SLIT3: variants seen among roughly 807,000 people sequenced by gnomAD.
SLIT3 encodes slit homolog 3 protein.
SLIT3 carries 68 observed loss-of-function variants against 184.0 expected under a neutral mutation model. The ratio of observed to expected loss-of-function variants is 0.37; its 90% CI spans 0.30 to 0.45. SLIT3 has a LOEUF of 0.45. Among genes scored for constraint, SLIT3 ranks in the 20% least tolerant of loss-of-function variants. SLIT3 has a pLI of 1.00. For missense variants in SLIT3, 1,707 were observed against 2,026.0 expected (o/e 0.84, Z 3.02); for synonymous variants, 831 against 828.6 (o/e 1.00, Z -0.05).
At chr5:169,189,399 A>G (rs539872276) in intron 4 of SLIT3, among the ~76,000 whole-genome samples, 9 of 151,882 alleles carry the variant, frequency 5.9e-5, no homozygotes, top group African/African-American at 1.7e-4. Context: ...TTATACAACT[A>G]TGGGTAAGTT....
intron 4 of SLIT3, among the ~76,000 whole-genome samples, chr5:169,191,362 C>T (rs1338787819): frequency 1.3e-5 from 2 of 152,174 alleles, no homozygotes; most frequent in African/African-American, 2.4e-5. Context: ...TTCCCAGCTG[C>T]AGCTCTCTGA....
chr5:168,691,538 T>C (rs940283430), intron 29 of SLIT3, among the ~76,000 whole-genome samples: 1 of 152,206 alleles, frequency 6.6e-6, no homozygotes, highest in Non-Finnish European at 1.5e-5. Flanking sequence ...ATGCCACTGG[T>C]GGGCATTCTC....
At position 168,774,082 on chromosome 5, in the gene SLIT3, G is replaced by A. The variant is rs916503754; in HGVS notation, c.1295+153C>T. On this transcript the variant is annotated intron_variant, in intron 13 of 35. Transcript: ENST00000519560. ...CAGTGTAAGTGCTTGGTACTGATAA[G>A]CTATTCCGATTTTTATTATTCTAGC... 4.6e-5 allele frequency among the ~76,000 whole-genome samples: 7 copies of A among 152,336 alleles called. No individual in the cohort carries two copies. The East Asian group carries it at 1.4e-3, about 29-fold the overall frequency.
At chr5:168,805,308 G>A (rs1435431391) in intron 9 of SLIT3, among the ~76,000 whole-genome samples, 1 of 152,112 alleles carries the variant, frequency 6.6e-6, no homozygotes, top group Non-Finnish European at 1.5e-5. Flanking sequence ...CACACACAGG[G>A]AAGGGGAGGA....
chr5:169,089,586 T>G (rs958516009), intron 4 of SLIT3, among the ~76,000 whole-genome samples: 1 of 152,186 alleles, frequency 6.6e-6, no homozygotes, highest in South Asian at 2.1e-4. Context: ...GTGCCCCTAG[T>G]GGTGAATCCT....
At chr5:168,689,315 C>G (rs1251503534) in intron 29 of SLIT3, among the ~76,000 whole-genome samples, 5 of 152,172 alleles carry the variant, frequency 3.3e-5, no homozygotes, top group Non-Finnish European at 7.3e-5. Context: ...AAATGCTTGC[C>G]TTTTTCTTCT....
intron 4 of SLIT3, among the ~76,000 whole-genome samples, chr5:169,152,487 C>T (rs1056072959): frequency 9.9e-5 from 15 of 152,156 alleles, no homozygotes; most frequent in African/African-American, 3.4e-4. Flanking sequence ...TAATCTCTTC[C>T]AGCTCTTCGG....
chr5:169,046,686 C>G (rs1267087734), intron 4 of SLIT3, among the ~76,000 whole-genome samples: 1 of 152,188 alleles, frequency 6.6e-6, no homozygotes, highest in African/African-American at 2.4e-5. Flanking sequence ...TGTCCCCCAG[C>G]CTACCATAAA....
rs116530448 is a variant in SLIT3 at position 169,048,250 on chromosome 5, C to T, written c.413+145229G>A. Among the ~76,000 whole-genome samples, 966 of 152,296 alleles carry T rather than the reference C, an allele frequency of 6.3e-3. 12 individuals are homozygous for T. Among genetic ancestry groups the T allele is most frequent in the African/African-American group, 0.022 (915 of 41,560 alleles). On this transcript the variant is annotated intron_variant, in intron 4 of 35. Coordinates refer to ENST00000519560, the MANE Select transcript of SLIT3 (RefSeq NM_003062.4). ...TGAACCCCTCCAAGCCTCAGATTTCCTCATCCTTAAACGGAGAATCATAAG... is the reference window on the plus strand; with the variant it reads ...TGAACCCCTCCAAGCCTCAGATTTCTTCATCCTTAAACGGAGAATCATAAG...
rs1762843197 is a variant in SLIT3, at chr5:168,718,749, T to TCTC, written c.2483+3506_2483+3507insGAG. On this transcript the variant is annotated intron_variant, in intron 23 of 35. Coordinates refer to ENST00000519560, the MANE Select transcript of SLIT3 (RefSeq NM_003062.4). ...ACACACATTCTCTCTCTCTCTCTCT[T>TCTC]TCTCTCTCTCTCTTAAATGTCAGTT... Among the ~76,000 whole-genome samples the TCTC allele has an allele frequency of 6.2e-3, 516 of 83,862 alleles. 4 individuals carry two copies. The highest frequency in any genetic ancestry group is 0.02 in the African/African-American group (487 of 24,520). The allele number at this position is 83,862 out of a possible 152,430, so 55.0% of individuals were successfully genotyped here.
intron 4 of SLIT3, among the ~76,000 whole-genome samples, chr5:169,138,756 A>C (rs1375001824): frequency 3.3e-5 from 5 of 152,128 alleles, no homozygotes; most frequent in African/African-American, 1.2e-4. Flanking sequence ...CACGCATGGC[A>C]CACTTGCATG....
chr5:168,897,646 G>GCGCGCGCGCGCGCGCGCACACACACA, intron 4 of SLIT3, among the ~76,000 whole-genome samples: 22 of 105,446 alleles, frequency 2.1e-4, no homozygotes, highest in Non-Finnish European at 3.1e-4. Flanking sequence ...ACAGGTGCAC[G>GCGCGCGCGCGCGCGCGCACACACACA]TACACACACA....
intron 4 of SLIT3, among the ~76,000 whole-genome samples, chr5:169,115,552 G>A (rs1239346299): frequency 6.6e-6 from 1 of 152,176 alleles, no homozygotes; most frequent in East Asian, 1.9e-4. Context: ...AGGCCAGGGA[G>A]GGATTCCACA....
chr5:168,811,275 A>G (rs1227059485), intron 8 of SLIT3, among the ~76,000 whole-genome samples: 1 of 152,204 alleles, frequency 6.6e-6, no homozygotes, highest in African/African-American at 2.4e-5. Flanking sequence ...CAGACACTGC[A>G]TTGAGTGCTC....
chr5:168,719,625 TCCCC>T (rs1234479763), intron 23 of SLIT3, among the ~76,000 whole-genome samples: 2 of 152,228 alleles, frequency 1.3e-5, no homozygotes, highest in Non-Finnish European at 2.9e-5. Context: ...CTTAAACATT[TCCCC>T]ACTGTGGCCC....
chr5:168,907,965 TATATATATATATATAGAG>T (rs1562000102), intron 4 of SLIT3, among the ~76,000 whole-genome samples: 31 of 80,080 alleles, frequency 3.9e-4, no homozygotes, highest in East Asian at 2.1e-3. Flanking sequence ...TATATATATA[TATATATATATATATAGAG>T]AGAGAGAGAG....
At chr5:169,159,767 C>T (rs1762421374) in intron 4 of SLIT3, among the ~76,000 whole-genome samples, 1 of 152,178 alleles carries the variant, frequency 6.6e-6, no homozygotes, top group African/African-American at 2.4e-5. Context: ...CAGAGCAAGA[C>T]TCCGTCTCTT....
intron 29 of SLIT3, among the ~76,000 whole-genome samples, chr5:168,690,200 A>T (rs548297204): frequency 1.3e-5 from 2 of 151,276 alleles, no homozygotes; most frequent in Admixed American, 1.3e-4. Context: ...GCAGTGGTGC[A>T]ATCTCAGCTC....
intron 3 of SLIT3, among the ~76,000 whole-genome samples, chr5:169,204,650 G>A (rs1240672679): frequency 1.3e-5 from 2 of 152,192 alleles, no homozygotes; most frequent in African/African-American, 2.4e-5. Context: ...GGTCACCTGT[G>A]GCAACAGCGG....
Sources: gnomAD v4.1 joint callset for allele counts (sites outside exome capture counted in the v4.1 genomes callset) on GRCh38, gnomAD v4.1.1 for gene constraint, MANE v1.5 for transcripts, NCBI Gene and HGNC (gene_info 2026-07-23, HGNC 2026-07-21) for gene names.